Variants in ZNF385D observed in about 807,000 individuals in gnomAD.
ZNF385D encodes zinc finger protein 385D.
A neutral mutation model predicts 35.8 loss-of-function variants in ZNF385D; 15 were observed. The observed-to-expected ratio is 0.42, with a 90% CI of 0.28 to 0.64. The LOEUF (loss-of-function observed/expected upper bound fraction) is 0.64, where lower values mean the gene tolerates loss of function less well. Ranked by LOEUF, ZNF385D falls within the 30% of genes least tolerant of loss-of-function variation. The pLI is 0.23. For missense variants in ZNF385D, 474 were observed against 494.6 expected (o/e 0.96, Z 0.39); for synonymous variants, 212 against 186.8 (o/e 1.13, Z -1.10).
At chr3:21,823,690 C>T (rs1349226595) in intron 3 of ZNF385D, among the ~76,000 whole-genome samples, 1 of 152,110 alleles carries the variant, frequency 6.6e-6, no homozygotes, top group African/African-American at 2.4e-5. Context: ...ATAGCAGTAT[C>T]AGAGCAGAAA....
intron 3 of ZNF385D, among the ~76,000 whole-genome samples, chr3:21,859,165 G>T (rs373045640): frequency 1.1e-4 from 16 of 152,168 alleles, no homozygotes; most frequent in African/African-American, 3.9e-4. Flanking sequence ...AGGAAACACA[G>T]GTAAGAGATG....
Position 21,564,480 on chromosome 3 carries a change from T to C in ZNF385D, c.276+94A>G, listed in dbSNP as rs1419786787. The C allele has an allele frequency of 1.7e-5, 12 of 686,764 alleles. No individual in the cohort carries two copies. The East Asian group carries it at 3.6e-4, about 20-fold the overall frequency. The allele number at this position is 686,764 out of a possible 1,614,324, so 42.5% of individuals were successfully genotyped here. On this transcript the variant is annotated intron_variant, in intron 3 of 7. Transcript: ENST00000281523. Reference sequence around the variant, plus strand: ...TTTGAATTTTGACATGCTCAGTTACTGGAGAAAATGTCTTAAGAAATCTTT... The same window carrying C: ...TTTGAATTTTGACATGCTCAGTTACCGGAGAAAATGTCTTAAGAAATCTTT...
chr3:22,068,004 T>A (rs1045307319), intron 3 of ZNF385D, among the ~76,000 whole-genome samples: 1 of 112,552 alleles, frequency 8.9e-6, no homozygotes, highest in Non-Finnish European at 1.7e-5. Flanking sequence ...AGAGCAAGAC[T>A]CCACTGGAAA....
At chr3:21,846,662 C>G (rs1265975303) in intron 3 of ZNF385D, among the ~76,000 whole-genome samples, 7 of 151,938 alleles carry the variant, frequency 4.6e-5, no homozygotes, top group African/African-American at 1.7e-4. Flanking sequence ...TGGAAAATGA[C>G]TGAGGTTTTC....
chr3:22,355,746 A>C (rs946902870), intron 2 of ZNF385D, among the ~76,000 whole-genome samples: 1 of 152,070 alleles, frequency 6.6e-6, no homozygotes, highest in African/African-American at 2.4e-5. Flanking sequence ...AATCATCTAT[A>C]GAGTATAAGA....
In ZNF385D at chr3:22,333,922, A is replaced by G. The variant is rs76852765; in HGVS notation, c.106+38528T>C. ...TTCCCCAATGTATTTATTGCTATTTACTTTTCAAAGTCCTCAGATACTTGT... is the reference window on the plus strand; with the variant it reads ...TTCCCCAATGTATTTATTGCTATTTGCTTTTCAAAGTCCTCAGATACTTGT... On this transcript the variant is annotated intron_variant, in intron 2 of 5. Transcript: ENST00000494108. Among the ~76,000 whole-genome samples, 7 of 152,246 alleles carry G rather than the reference A, an allele frequency of 4.6e-5. No individual in the cohort carries two copies. In the East Asian group the frequency reaches 1.3e-3, roughly 29 times the overall value.
intron 1 of ZNF385D, among the ~76,000 whole-genome samples, chr3:21,710,609 C>T (rs2125411927): frequency 6.6e-6 from 1 of 152,212 alleles, no homozygotes; most frequent in East Asian, 1.9e-4. Flanking sequence ...CTTTGATGCT[C>T]AGTTGTTTTT....
At chr3:22,226,844 T>C (rs1698586179) in intron 2 of ZNF385D, among the ~76,000 whole-genome samples, 1 of 152,184 alleles carries the variant, frequency 6.6e-6, no homozygotes, top group Admixed American at 6.5e-5. Context: ...TTGATTTTCC[T>C]ACCTAATGTT....
intron 2 of ZNF385D, among the ~76,000 whole-genome samples, chr3:21,580,681 A>G (rs1046651198): frequency 6.8e-6 from 1 of 146,348 alleles, no homozygotes; most frequent in African/African-American, 2.4e-5. Flanking sequence ...CTGCATGACA[A>G]TTCCAAGATA....
At chr3:22,317,552 T>C (rs1323839228) in intron 2 of ZNF385D, among the ~76,000 whole-genome samples, 1 of 152,200 alleles carries the variant, frequency 6.6e-6, no homozygotes, top group East Asian at 1.9e-4. Flanking sequence ...CCTCCTATAA[T>C]GTCTGCCTCC....
intron 3 of ZNF385D, among the ~76,000 whole-genome samples, chr3:21,972,523 G>T (rs964904077): frequency 7.9e-5 from 12 of 151,888 alleles, no homozygotes; most frequent in African/African-American, 2.9e-4. Flanking sequence ...GTATTTTAGA[G>T]AAGTAGAAGA....
intron 3 of ZNF385D, among the ~76,000 whole-genome samples, chr3:21,990,853 A>G (rs1232028318): frequency 2.6e-5 from 4 of 152,306 alleles, no homozygotes; most frequent in Admixed American, 2.6e-4. Context: ...CTTTGAAAAC[A>G]GAATGCTACA....
chr3:21,963,959 T>C (rs1242323983), intron 3 of ZNF385D, among the ~76,000 whole-genome samples: 1 of 152,164 alleles, frequency 6.6e-6, no homozygotes, highest in East Asian at 1.9e-4. Context: ...GATATTATTA[T>C]AGGTACAAAA....
chr3:21,806,291 T>C (rs550130458), intron 3 of ZNF385D, among the ~76,000 whole-genome samples: 2 of 151,864 alleles, frequency 1.3e-5, no homozygotes, highest in African/African-American at 4.8e-5. Flanking sequence ...AAAGAATGAA[T>C]GCTCATGGGT....
Position 22,043,833 on chromosome 3 carries a change from C to T in ZNF385D, c.325+124984G>A, listed in dbSNP as rs568696657. Among the ~76,000 whole-genome samples the T allele has an allele frequency of 2.6e-5, 4 of 152,238 alleles. No homozygotes were observed. The South Asian group carries it at 6.2e-4, about 24-fold the overall frequency. Reference sequence around the variant, plus strand: ...GATGAAAATCTTGCTTGCTCTCTCTCTGACTCTACTTGCATGCTTGCTTTG... The same window carrying T: ...GATGAAAATCTTGCTTGCTCTCTCTTTGACTCTACTTGCATGCTTGCTTTG... On this transcript the variant is annotated intron_variant, in intron 3 of 5. Coordinates refer to the ZNF385D transcript ENST00000494108.
intron 3 of ZNF385D, among the ~76,000 whole-genome samples, chr3:21,968,037 C>T (rs1703007700): frequency 6.6e-6 from 1 of 152,178 alleles, no homozygotes; most frequent in African/African-American, 2.4e-5. Flanking sequence ...GAATAGCTTA[C>T]ACCACCCCTC....
intron 2 of ZNF385D, among the ~76,000 whole-genome samples, chr3:22,368,695 C>T (rs1230183078): frequency 6.6e-6 from 1 of 152,098 alleles, no homozygotes; most frequent in Non-Finnish European, 1.5e-5. Context: ...CTTATAAGAG[C>T]ACTAATCCCA....
intron 3 of ZNF385D, among the ~76,000 whole-genome samples, chr3:21,795,185 G>A (rs2072095143): frequency 6.6e-6 from 1 of 152,142 alleles, no homozygotes. Context: ...GTATTTGCCT[G>A]CTCTAAGATC....
chr3:22,334,708 T>C (rs899375096), intron 2 of ZNF385D, among the ~76,000 whole-genome samples: 16 of 152,254 alleles, frequency 1.1e-4, no homozygotes, highest in Admixed American at 8.5e-4. Context: ...GAAGTGGACA[T>C]TTTACCCTAC....
Sources: allele counts gnomAD v4.1 joint callset (sites outside exome capture counted in the v4.1 genomes callset), GRCh38; gene constraint gnomAD v4.1.1; transcripts MANE v1.5; gene names NCBI Gene and HGNC (gene_info 2026-07-23, HGNC 2026-07-21).